Variants in ATF6 observed in about 807,000 individuals in gnomAD.
ATF6 encodes the protein cyclic AMP-dependent transcription factor ATF-6 alpha.
Under a neutral mutation model 83.6 loss-of-function variants are expected in ATF6, and 53 were observed. That is an observed-to-expected ratio of 0.63 (90% CI 0.51 to 0.80). The LOEUF (loss-of-function observed/expected upper bound fraction) is 0.80, where lower values mean the gene tolerates loss of function less well. Among genes scored for constraint, ATF6 ranks in the 30% least tolerant of loss-of-function variants. The pLI is 0.00. For synonymous variants in ATF6, 288 were observed against 285.8 expected (o/e 1.01, Z -0.08); for missense variants, 744 against 797.9 (o/e 0.93, Z 0.81).
intron 15 of ATF6, among the ~76,000 whole-genome samples, chr1:161,948,690 C>G (rs957232655): frequency 6.6e-6 from 1 of 152,138 alleles, no homozygotes; most frequent in African/African-American, 2.4e-5. Context: ...TTGGCCTTAC[C>G]TATTGTTAAT....
intron 6 of ATF6, among the ~76,000 whole-genome samples, chr1:161,797,305 T>C (rs750958491): frequency 6.6e-6 from 1 of 152,110 alleles, no homozygotes; most frequent in East Asian, 1.9e-4. Flanking sequence ...AACATAGTGC[T>C]GGAAGTTGTA....
At position 161,816,910 on chromosome 1, in the gene ATF6, A is replaced by T. The variant is rs527419090; in HGVS notation, c.910-2723A>T. ...AATAATTTAAATATTTTATATTCAG[A>T]TAGCTAAAGATGGCTTGCTGAGATA... On this transcript the variant is annotated intron_variant, in intron 7 of 15. Coordinates refer to ENST00000367942, the MANE Select transcript of ATF6 (RefSeq NM_007348.4). 7.9e-5 allele frequency among the ~76,000 whole-genome samples: 12 copies of T among 152,346 alleles called. No individual in the cohort carries two copies. The South Asian group carries it at 2.5e-3, about 32-fold the overall frequency.
chr1:161,778,214 T>C (rs773922272), intron 1 of ATF6, 30 bp from the exon 2 acceptor site: 60 of 1,578,534 alleles, frequency 3.8e-5, no homozygotes, highest in Middle Eastern at 3.3e-4. Flanking sequence ...GAATTGACAG[T>C]TCATTTCTAT....
At chr1:161,925,365 T>C (rs1282415664) in intron 15 of ATF6, among the ~76,000 whole-genome samples, 2 of 152,252 alleles carry the variant, frequency 1.3e-5, no homozygotes, top group Non-Finnish European at 2.9e-5. Context: ...AGCTTTTTCA[T>C]ATATGTTACT....
chr1:161,952,561 A>G, intron 15 of ATF6, among the ~76,000 whole-genome samples: 1 of 152,070 alleles, frequency 6.6e-6, no homozygotes, highest in East Asian at 1.9e-4. Context: ...CCATGAGGAC[A>G]GGATTTTTTT....
Position 161,792,119 on chromosome 1 carries a change from T to A in ATF6, c.485-5T>A. The A allele has an allele frequency of 6.2e-7, 1 of 1,613,384 alleles. No homozygotes were observed. Among genetic ancestry groups the A allele is most frequent in the Non-Finnish European group, 8.5e-7 (1 of 1,179,916 alleles). On this transcript the variant is annotated splice_polypyrimidine_tract_variant and splice_region_variant and intron_variant, in intron 5 of 15. Coordinates refer to ENST00000367942, the MANE Select transcript of ATF6 (RefSeq NM_007348.4). ...TGACTTGTGGTTTGTCTGGTTTTTC[T>A]CCAGAAAATGGACTGACTCCAAAGA...
At chr1:161,853,383 C>G in intron 12 of ATF6, 60 bp downstream of exon 12, 1 of 1,287,864 alleles carries the variant, frequency 7.8e-7, no homozygotes, top group South Asian at 1.2e-5. Flanking sequence ...CTTCTCCCAG[C>G]TGGGTTACTC....
At chr1:161,911,888 T>A (rs1038003531) in intron 14 of ATF6, among the ~76,000 whole-genome samples, 1 of 152,228 alleles carries the variant, frequency 6.6e-6, no homozygotes, top group African/African-American at 2.4e-5. Flanking sequence ...CATTATCTAG[T>A]CTAGCCCCCA....
intron 15 of ATF6, among the ~76,000 whole-genome samples, chr1:161,920,292 C>CTTTTTTTTTTTTTTTTTT (rs1322896918): frequency 2.0e-4 from 4 of 19,790 alleles, no homozygotes; most frequent in African/African-American, 3.6e-4. Flanking sequence ...CTCTCTCTCT[C>CTTTTTTTTTTTTTTTTTT]TCTTTTTTTT....
chr1:161,802,312 T>A, intron 7 of ATF6, 40 bp downstream of exon 7: 1 of 1,565,302 alleles, frequency 6.4e-7, no homozygotes, highest in South Asian at 1.1e-5. Context: ...ATGCCTGATT[T>A]AAAAACCAAC....
intron 6 of ATF6, 27 bp from the exon 7 acceptor site, chr1:161,802,025 T>C (rs565402546): frequency 6.2e-7 from 1 of 1,611,278 alleles, no homozygotes; most frequent in African/African-American, 1.3e-5. Context: ...GTGTACCCTT[T>C]GATTCCTTTT....
At chr1:161,899,895 T>G (rs958712758) in intron 14 of ATF6, among the ~76,000 whole-genome samples, 10 of 152,216 alleles carry the variant, frequency 6.6e-5, no homozygotes, top group Admixed American at 6.5e-4. Flanking sequence ...TCAAAAAATG[T>G]CATTTTGTTT....
chr1:161,821,551 A>G (rs1042112764), intron 9 of ATF6, among the ~76,000 whole-genome samples: 3 of 152,224 alleles, frequency 2.0e-5, no homozygotes, highest in Non-Finnish European at 4.4e-5. Context: ...TGTGCAAAGT[A>G]TGAGAAAGGC....
At chr1:161,787,192 C>T (rs183824819) in intron 4 of ATF6, among the ~76,000 whole-genome samples, 108 of 152,254 alleles carry the variant, frequency 7.1e-4, no homozygotes, top group African/African-American at 2.5e-3. Context: ...TGTGAAGTTG[C>T]TTTTTCTCTC....
chr1:161,906,348 C>T (rs991658428), intron 14 of ATF6, among the ~76,000 whole-genome samples: 3 of 152,112 alleles, frequency 2.0e-5, no homozygotes, highest in African/African-American at 7.2e-5. Context: ...TACAAGAAAC[C>T]ATTTTGACCA....
At chr1:161,785,858 G>C (rs1012008057) in intron 4 of ATF6, among the ~76,000 whole-genome samples, 2 of 151,520 alleles carry the variant, frequency 1.3e-5, no homozygotes. Flanking sequence ...AATAGGTTTT[G>C]TTTTATATCT....
At chr1:161,882,691 T>C (rs1687344151) in intron 14 of ATF6, among the ~76,000 whole-genome samples, 1 of 149,816 alleles carries the variant, frequency 6.7e-6, no homozygotes, top group African/African-American at 2.5e-5. Flanking sequence ...AATTAAGTTT[T>C]AGTGGGGGTC....
chr1:161,782,670 A>G (rs1186823614), intron 3 of ATF6, among the ~76,000 whole-genome samples: 5 of 152,214 alleles, frequency 3.3e-5, no homozygotes, highest in Non-Finnish European at 7.3e-5. Flanking sequence ...ACATTCTCCT[A>G]TCTAAATTCC....
chr1:161,767,499 A>G (rs1684291935), intron 1 of ATF6, among the ~76,000 whole-genome samples: 1 of 152,184 alleles, frequency 6.6e-6, no homozygotes, highest in South Asian at 2.1e-4. Context: ...GACAGTAACC[A>G]TTTATTTAGC....
Sources: allele counts gnomAD v4.1 joint callset (sites outside exome capture counted in the v4.1 genomes callset), GRCh38; gene constraint gnomAD v4.1.1; transcripts MANE v1.5; gene names NCBI Gene and HGNC (gene_info 2026-07-23, HGNC 2026-07-21).